The following YLPM1 variants were observed in gnomAD, a reference collection of about 807,000 sequenced individuals.
The protein encoded by YLPM1 is YLP motif-containing protein 1.
In YLPM1, 99 loss-of-function variants were observed where a neutral mutation model predicts 230.0. That is an observed-to-expected ratio of 0.43 (90% confidence interval 0.37 to 0.51). The LOEUF (loss-of-function observed/expected upper bound fraction) is 0.51. Ranked by LOEUF, YLPM1 falls within the 20% of genes least tolerant of loss-of-function variation. The pLI is 0.00. For missense variants in YLPM1, 2,592 were observed against 2,707.7 expected (o/e 0.96, Z 0.95); for synonymous variants, 984 against 942.5 (o/e 1.04, Z -0.81).
intron 1 of YLPM1, among the ~76,000 whole-genome samples, chr14:74,765,713 ATAAT>A: frequency 6.6e-6 from 1 of 152,324 alleles, no homozygotes; most frequent in South Asian, 2.1e-4. Context: ...GAGAGACAAA[ATAAT>A]TGTATTTTTG....
At chr14:74,835,036 G>C (rs1257610947) in intron 19 of YLPM1, 4 of 475,672 alleles carry the variant, frequency 8.4e-6, no homozygotes, top group African/African-American at 7.8e-5. Context: ...GGACAGGATT[G>C]AGCTGAACTG....
intron 4 of YLPM1, among the ~76,000 whole-genome samples, chr14:74,783,095 C>T (rs567214790): frequency 6.6e-6 from 1 of 152,260 alleles, no homozygotes; most frequent in African/African-American, 2.4e-5. Flanking sequence ...GACAGGGTCT[C>T]GGTTTTTCAC....
At chr14:74,829,371 C>A (rs1460947787) in intron 19 of YLPM1, 28 bp downstream of exon 19, 3 of 1,611,082 alleles carry the variant, frequency 1.9e-6, no homozygotes, top group Admixed American at 1.7e-5. Flanking sequence ...TAACTGCCAA[C>A]AAATGAAGGG....
Position 74,794,707 on chromosome 14 carries a change from T to C in YLPM1, c.2283-2873T>C, listed in dbSNP as rs150918866. 3.5e-4 allele frequency among the ~76,000 whole-genome samples: 54 copies of C among 152,178 alleles called. No individual in the cohort carries two copies. The South Asian group carries it at 7.9e-3, about 22-fold the overall frequency. On this transcript the variant is annotated intron_variant, in intron 4 of 20. Transcript: ENST00000325680. ...TACTGAAATATAAGGTTAACTCTTATTAACACATGTTAGATAATAAGGAAG... is the reference window on the plus strand; with the variant it reads ...TACTGAAATATAAGGTTAACTCTTACTAACACATGTTAGATAATAAGGAAG...
chr14:74,798,502 C>T lies in YLPM1; in HGVS notation c.3205C>T (p.Arg1069Ter), dbSNP rs189953928. Reference sequence around the variant, plus strand: ...GATGATGGGTAGAAGAGAAGATAGTCGAGAGAAGATGAACAGAGGAGAAGG... The same window carrying T: ...GATGATGGGTAGAAGAGAAGATAGTTGAGAGAAGATGAACAGAGGAGAAGG... ...DKMMGRREDS[R>*]EKMNRGEGSR... is the part of the protein sequence containing the mutation. Residue 1069 changes from arginine to a stop codon, truncating the protein, a stop_gained, in exon 5 of 21, where the codon CGA becomes TGA. Transcript: ENST00000325680. LOFTEE classifies it high-confidence loss of function. The T allele has an allele frequency of 1.2e-6, 2 of 1,613,578 alleles. No homozygotes were observed. Among genetic ancestry groups the T allele is most frequent in the African/African-American group, 1.3e-5 (1 of 74,832 alleles).
At chr14:74,793,109 A>G (rs1437232068) in intron 4 of YLPM1, among the ~76,000 whole-genome samples, 2 of 152,188 alleles carry the variant, frequency 1.3e-5, no homozygotes, top group Non-Finnish European at 2.9e-5. Flanking sequence ...CCAAACTTAA[A>G]AAATCTCTGG....
chr14:74,777,409 TAAA>T (rs1201246917), intron 1 of YLPM1, among the ~76,000 whole-genome samples: 1 of 150,736 alleles, frequency 6.6e-6, no homozygotes, highest in Non-Finnish European at 1.5e-5. Context: ...CTACTAAAAA[TAAA>T]AAAATTTAGC....
At chr14:74,769,502 G>A (rs955637737) in intron 1 of YLPM1, among the ~76,000 whole-genome samples, 16 of 151,912 alleles carry the variant, frequency 1.1e-4, no homozygotes, top group Non-Finnish European at 2.1e-4. Context: ...GGCTAGGCTG[G>A]TCTCGAACTC....
At chr14:74,770,283 G>A (rs1382325637) in intron 1 of YLPM1, among the ~76,000 whole-genome samples, 2 of 151,246 alleles carry the variant, frequency 1.3e-5, no homozygotes, top group African/African-American at 2.4e-5. Flanking sequence ...AGGAGTTCTC[G>A]TGCCACTGCA....
chr14:74,768,233 T>C (rs1210473570), intron 1 of YLPM1, among the ~76,000 whole-genome samples: 4 of 151,764 alleles, frequency 2.6e-5, no homozygotes, highest in African/African-American at 4.9e-5. Context: ...GTGTTGATGA[T>C]TTAATGGAAT....
rs745324642 is a variant in YLPM1, at chr14:74,829,311, G to C, written c.6262G>C (p.Asp2088His). ...TTATCTTCAGCTCCCCGATGATTAT[G>C]ATACTCGTGCTTCTGAGCCTGGGAA... Reference protein sequence around the residue: ...EDYLQLPDDYDTRASEPGKKR... With the variant: ...EDYLQLPDDYHTRASEPGKKR... The change falls in exon 19 of 21, where the codon GAT becomes CAT. Residue 2088 changes from aspartate (D) to histidine (H), a missense_variant. Asp to His is a moderately conservative substitution (Grantham distance 81). Transcript: ENST00000325680. 1 of 1,613,170 alleles carries C rather than the reference G, an allele frequency of 6.2e-7. No homozygotes were observed. The highest frequency in any genetic ancestry group is 1.7e-5 in the Admixed American group (1 of 59,982).
At chr14:74,791,414 C>G (rs2091205855) in intron 4 of YLPM1, among the ~76,000 whole-genome samples, 1 of 152,186 alleles carries the variant, frequency 6.6e-6, no homozygotes, top group African/African-American at 2.4e-5. Flanking sequence ...GCAATTTGGT[C>G]TGAAAACAAA....
intron 1 of YLPM1, 41 bp downstream of exon 1, chr14:74,764,403 G>A (rs775995021): frequency 7.2e-6 from 11 of 1,535,282 alleles, no homozygotes; most frequent in South Asian, 3.7e-5. Flanking sequence ...TCACCTAGAG[G>A]GCCCTGAATG....
intron 5 of YLPM1, among the ~76,000 whole-genome samples, chr14:74,801,478 A>G (rs1413386403): frequency 6.6e-6 from 1 of 152,138 alleles, no homozygotes; most frequent in Non-Finnish European, 1.5e-5. Flanking sequence ...AAGTAAAAGG[A>G]ATTTCGTCAG....
intron 10 of YLPM1, 141 bp downstream of exon 10, chr14:74,811,879 TAGC>T: frequency 1.8e-6 from 1 of 552,076 alleles, no homozygotes; most frequent in Non-Finnish European, 3.1e-6. Context: ...TCCTAAAAAA[TAGC>T]AGTGTAATTA....
chr14:74,765,373 G>C lies in YLPM1; in HGVS notation c.873+1011G>C, dbSNP rs549794619. ...AAGATTTCCAAAAGATAGGGATGCAGTATTATAATTTTACGGTGGTTTGGC... is the reference window on the plus strand; with the variant it reads ...AAGATTTCCAAAAGATAGGGATGCACTATTATAATTTTACGGTGGTTTGGC... On this transcript the variant is annotated intron_variant, in intron 1 of 20. Transcript: ENST00000325680. Among the ~76,000 whole-genome samples the C allele has an allele frequency of 6.6e-5, 10 of 152,298 alleles. No individual in the cohort carries two copies. The East Asian group carries it at 1.7e-3, about 26-fold the overall frequency.
intron 17 of YLPM1, among the ~76,000 whole-genome samples, chr14:74,823,448 A>T (rs2091538768): frequency 6.6e-6 from 1 of 152,096 alleles, no homozygotes. Flanking sequence ...AACAGAAATG[A>T]TTACTGCATA....
intron 18 of YLPM1, among the ~76,000 whole-genome samples, chr14:74,828,802 A>G (rs1271363178): frequency 6.6e-6 from 1 of 152,180 alleles, no homozygotes; most frequent in Non-Finnish European, 1.5e-5. Context: ...ACACAGTATC[A>G]AACATGATTT....
intron 1 of YLPM1, among the ~76,000 whole-genome samples, chr14:74,768,404 G>A (rs1187356067): frequency 6.6e-6 from 1 of 152,000 alleles, no homozygotes; most frequent in Non-Finnish European, 1.5e-5. Flanking sequence ...ATGCTACCAT[G>A]CCTGGCTAGT....
Sources: gnomAD v4.1 joint callset for allele counts (sites outside exome capture counted in the v4.1 genomes callset) on GRCh38, gnomAD v4.1.1 for gene constraint, MANE v1.5 for transcripts, NCBI Gene and HGNC (gene_info 2026-07-23, HGNC 2026-07-21) for gene names.